Variants in APMAP observed in about 807,000 individuals in gnomAD.
APMAP encodes adipocyte plasma membrane associated protein, also known as adipocyte plasma membrane-associated protein.
Under a neutral mutation model 43.6 loss-of-function variants are expected in APMAP, and 33 were observed. That is an observed-to-expected ratio of 0.76 (90% CI 0.57 to 1.01). APMAP has a LOEUF of 1.01. Ranked by LOEUF, APMAP falls within the 50% of genes least tolerant of loss-of-function variation. The probability of loss-of-function intolerance (pLI) is 0.00; values close to 1 mark genes in which losing one functional copy is unlikely to be tolerated. For synonymous variants in APMAP, 224 were observed against 216.7 expected (o/e 1.03, Z -0.30); for missense variants, 498 against 540.7 (o/e 0.92, Z 0.78).
chr20:24,975,490 G>A (rs1451595885), intron 3 of APMAP, among the ~76,000 whole-genome samples: 3 of 152,106 alleles, frequency 2.0e-5, no homozygotes, highest in African/African-American at 7.2e-5. Flanking sequence ...GTCTATATGA[G>A]GAAAACTAGA....
chr20:24,965,708 A>C (rs1162663014), intron 8 of APMAP, among the ~76,000 whole-genome samples: 1 of 152,216 alleles, frequency 6.6e-6, no homozygotes, highest in Non-Finnish European at 1.5e-5. Flanking sequence ...GTCAGGGAGG[A>C]AGGGGACAGC....
Position 24,964,891 on chromosome 20 carries a change from C to T in APMAP, c.1042-869G>A, listed in dbSNP as rs11907280. 3.1e-3 allele frequency among the ~76,000 whole-genome samples: 471 copies of T among 152,230 alleles called. 3 individuals are homozygous for T. The highest frequency in any genetic ancestry group is 0.011 in the African/African-American group (456 of 41,528). On this transcript the variant is annotated intron_variant, in intron 8 of 8. Transcript: ENST00000217456. ...GCTGACTAGACTCTAGGTTCAACAG[C>T]GATAGATCAACTGCATTACAGCTCA...
Position 24,973,640 on chromosome 20 carries a change from C to T in APMAP, c.421+5G>A. The T allele has an allele frequency of 6.2e-7, 1 of 1,612,886 alleles. No individual in the cohort carries two copies. The highest frequency in any genetic ancestry group is 8.5e-7 in the Non-Finnish European group (1 of 1,178,892). ...AGACACATCGAGGGATTATCACCAA[C>T]TTACTGCAAGGGCCCGAACCAAACC... On this transcript the variant is annotated splice_donor_5th_base_variant and intron_variant, in intron 4 of 8. Transcript: ENST00000217456.
At chr20:24,977,087 T>TA (rs2122507891) in intron 3 of APMAP, among the ~76,000 whole-genome samples, 1 of 152,338 alleles carries the variant, frequency 6.6e-6, no homozygotes, top group African/African-American at 2.4e-5. Context: ...AAACACCCTG[T>TA]AAGATACCAT....
chr20:24,968,797 ACAAG>A, intron 8 of APMAP, 91 bp downstream of exon 8: 1 of 1,265,442 alleles, frequency 7.9e-7, no homozygotes, highest in Non-Finnish European at 1.1e-6. Flanking sequence ...GCCAAATACT[ACAAG>A]CAGAACTAGA....
intron 2 of APMAP, 32 bp from the exon 3 acceptor site, chr20:24,978,914 T>G: frequency 1.3e-6 from 2 of 1,540,388 alleles, no homozygotes; most frequent in Non-Finnish European, 9.0e-7. Flanking sequence ...GAGATCTGTC[T>G]ATAAATACAC....
intron 2 of APMAP, among the ~76,000 whole-genome samples, chr20:24,979,107 A>G (rs1600286497): frequency 6.6e-6 from 1 of 152,326 alleles, no homozygotes; most frequent in African/African-American, 2.4e-5. Context: ...ACCTTCAGCA[A>G]TCTTGTCACC....
chr20:24,969,384 C>T, intron 7 of APMAP, 142 bp downstream of exon 7: 2 of 1,346,458 alleles, frequency 1.5e-6, no homozygotes, highest in Non-Finnish European at 2.0e-6. Flanking sequence ...AAAGAAAGCG[C>T]ACCCTTGAAT....
intron 3 of APMAP, among the ~76,000 whole-genome samples, chr20:24,976,376 T>C (rs558653303): frequency 6.6e-6 from 1 of 152,146 alleles, no homozygotes; most frequent in African/African-American, 2.4e-5. Flanking sequence ...ATTACAAAAA[T>C]GGGCAAAAGG....
Position 24,992,611 on chromosome 20 carries a change from C to T in APMAP, c.78G>A (p.Pro26=). The change falls in exon 1 of 9, where the codon CCG becomes CCA. Residue 26 remains proline (P), a synonymous_variant. Coordinates refer to ENST00000217456, the MANE Select transcript of APMAP (RefSeq NM_020531.3). ...CGCCCTACCTGCCGTCCTTAGCCTC[C>T]GGGGCCTGGCCATCATCGTCTGTGA... ...QVVTDDDGQA[P]EAKDGSSFSG... is the part of the protein sequence containing the mutation. 2 of 1,564,388 alleles carry T rather than the reference C, an allele frequency of 1.3e-6. No homozygotes were observed. Among genetic ancestry groups the T allele is most frequent in the Non-Finnish European group, 1.7e-6 (2 of 1,155,014 alleles).
At chr20:24,972,165 T>G (rs1038233860) in intron 4 of APMAP, among the ~76,000 whole-genome samples, 2 of 146,660 alleles carry the variant, frequency 1.4e-5, no homozygotes, top group African/African-American at 2.6e-5. Context: ...CACTGTGGGG[T>G]GCTCACTGCA....
chr20:24,975,062 C>T (rs1002769484), intron 3 of APMAP, among the ~76,000 whole-genome samples: 1 of 152,122 alleles, frequency 6.6e-6, no homozygotes, highest in Non-Finnish European at 1.5e-5. Flanking sequence ...AAAAAATCTA[C>T]ATATAACATC....
chr20:24,967,226 C>A (rs2087952608), intron 8 of APMAP, among the ~76,000 whole-genome samples: 1 of 152,170 alleles, frequency 6.6e-6, no homozygotes, highest in African/African-American at 2.4e-5. Context: ...GCCCAGGAGG[C>A]AGAGGTTGCA....
chr20:24,970,093 G>C, intron 6 of APMAP, 104 bp downstream of exon 6: 2 of 1,394,244 alleles, frequency 1.4e-6, no homozygotes, highest in Non-Finnish European at 2.0e-6. Context: ...GCTGAAATAT[G>C]ATGCTGGAAA....
In APMAP at chr20:24,973,624, G is replaced by A. The variant is rs180943260; in HGVS notation, c.421+21C>T. 1.3e-5 allele frequency: 20 copies of A among 1,598,910 alleles called. No homozygotes were observed. The East Asian group carries it at 2.2e-4, about 18-fold the overall frequency. On this transcript the variant is annotated intron_variant, in intron 4 of 8. Transcript: ENST00000217456. ...TCTGAAAGACTGGAAGAGACACATC[G>A]AGGGATTATCACCAACTTACTGCAA...
chr20:24,989,160 T>A (rs560174842), intron 1 of APMAP, among the ~76,000 whole-genome samples: 1 of 152,310 alleles, frequency 6.6e-6, no homozygotes, highest in East Asian at 1.9e-4. Flanking sequence ...CCATTTTCAC[T>A]GACAAAGCAT....
chr20:24,971,269 T>C (rs964192639), intron 5 of APMAP, among the ~76,000 whole-genome samples, 191 bp downstream of exon 5: 1 of 152,290 alleles, frequency 6.6e-6, no homozygotes, highest in Middle Eastern at 3.4e-3. Flanking sequence ...AATGGAATCA[T>C]GGGTAGGGAG....
At chr20:24,986,562 A>C (rs1003564427) in intron 1 of APMAP, among the ~76,000 whole-genome samples, 9 of 152,262 alleles carry the variant, frequency 5.9e-5, no homozygotes, top group African/African-American at 2.2e-4. Flanking sequence ...TACAAAGCAC[A>C]GAACTACGAC....
At chr20:24,969,405 A>G in intron 7 of APMAP, 121 bp downstream of exon 7, 1 of 1,424,158 alleles carries the variant, frequency 7.0e-7, no homozygotes, top group South Asian at 1.4e-5. Context: ...TTTCTTTAAC[A>G]TGCCATGCAG....
Sources: allele counts gnomAD v4.1 joint callset (sites outside exome capture counted in the v4.1 genomes callset), GRCh38; gene constraint gnomAD v4.1.1; transcripts MANE v1.5; gene names NCBI Gene and HGNC (gene_info 2026-07-23, HGNC 2026-07-21).